Variants in STK3 observed in about 807,000 individuals in gnomAD.
The protein encoded by STK3 is serine/threonine kinase 3, also known as serine/threonine-protein kinase 3.
A neutral mutation model predicts 58.0 loss-of-function variants in STK3; 41 were observed. That is an observed-to-expected ratio of 0.71 (90% confidence interval 0.55 to 0.92). STK3 has a LOEUF of 0.92. STK3 is among the 40% of genes least tolerant of loss of function. The pLI is 0.00. For synonymous variants in STK3, 170 were observed against 191.0 expected (o/e 0.89, Z 0.91); for missense variants, 479 against 602.7 (o/e 0.79, Z 2.15).
downstream of STK3, among the ~76,000 whole-genome samples, chr8:98,397,573 A>G (rs529590396): frequency 5.3e-5 from 8 of 152,162 alleles, no homozygotes; most frequent in African/African-American, 1.9e-4. Flanking sequence ...AAAAGAAAAG[A>G]ACTGCTTCAG....
At chr8:98,424,423 G>C (rs1818206185) in intron 3 of STK3, among the ~76,000 whole-genome samples, 1 of 152,184 alleles carries the variant, frequency 6.6e-6, no homozygotes, top group Non-Finnish European at 1.5e-5. Flanking sequence ...GGGAGGGAGA[G>C]AGGGAGGAAG....
intron 6 of STK3, among the ~76,000 whole-genome samples, chr8:98,675,006 C>CAG (rs35540361): frequency 0.34 from 51,002 of 151,902 alleles, 8,853 homozygotes; most frequent in Admixed American, 0.44. Context: ...CATATGTTGA[C>CAG]CAGTCAAAGA....
At chr8:98,360,075 A>T in the STK3 span, among the ~76,000 whole-genome samples, 1 of 152,146 alleles carries the variant, frequency 6.6e-6, no homozygotes, top group South Asian at 2.1e-4. Context: ...ACTGGGACAT[A>T]TGGTCTCTTC....
In STK3 at chr8:98,825,479, CG is replaced by C. The variant is rs964048016; in HGVS notation, c.26+35del. 2.1e-6 allele frequency: 3 copies of C among 1,445,582 alleles called. No individual in the cohort carries two copies. The Admixed American group carries it at 7.6e-5, about 37-fold the overall frequency. 89.5% of individuals were successfully genotyped at this position (1,445,582 alleles called of 1,614,324 possible). On this transcript the variant is annotated intron_variant, in intron 1 of 10. Coordinates refer to ENST00000419617, the MANE Select transcript of STK3 (RefSeq NM_006281.4). ...ACCCCCGCCCCGCGGCCGCCGGCGC[CG>C]CTTCCCTCCTTCTTCCCGCTCCCCG...
At chr8:98,442,320 G>A (rs149665823) in intron 1 of STK3, among the ~76,000 whole-genome samples, 1 of 152,188 alleles carries the variant, frequency 6.6e-6, no homozygotes, top group African/African-American at 2.4e-5. Flanking sequence ...CTCAGCACTC[G>A]GAACTTACAG....
chr8:98,607,076 T>C (rs1376615436), intron 6 of STK3, among the ~76,000 whole-genome samples: 4 of 152,230 alleles, frequency 2.6e-5, no homozygotes, highest in Non-Finnish European at 5.9e-5. Context: ...ACTCAATTTG[T>C]GTTGAAATAG....
chr8:98,418,327 A>T (rs1818135347), intron 3 of STK3, among the ~76,000 whole-genome samples: 1 of 152,276 alleles, frequency 6.6e-6, no homozygotes, highest in South Asian at 2.1e-4. Context: ...GCTATCCAGG[A>T]TTTGAGTCCA....
chr8:98,631,799 G>A (rs1587093815), intron 6 of STK3, among the ~76,000 whole-genome samples: 3 of 152,156 alleles, frequency 2.0e-5, no homozygotes, highest in Admixed American at 6.5e-5. Flanking sequence ...AAAGTAGCTG[G>A]GACTACAGGC....
intron 4 of STK3, among the ~76,000 whole-genome samples, chr8:98,711,368 G>A (rs1485016117): frequency 6.6e-6 from 1 of 152,066 alleles, no homozygotes; most frequent in Admixed American, 6.6e-5. Flanking sequence ...CCCAGGCAAA[G>A]AAGTTAAAAA....
intron 1 of STK3, among the ~76,000 whole-genome samples, chr8:98,923,611 C>T (rs1395363122): frequency 2.6e-5 from 4 of 152,154 alleles, no homozygotes; most frequent in Admixed American, 6.5e-5. Flanking sequence ...CACAGAACGA[C>T]GGAGTCTCCC....
chr8:98,613,711 T>A (rs1817393225), intron 6 of STK3, among the ~76,000 whole-genome samples: 1 of 151,968 alleles, frequency 6.6e-6, no homozygotes, highest in African/African-American at 2.4e-5. Flanking sequence ...ATAATTACAT[T>A]AAATGTAAAT....
At chr8:98,654,950 C>G (rs552485679) in intron 6 of STK3, among the ~76,000 whole-genome samples, 1 of 152,042 alleles carries the variant, frequency 6.6e-6, no homozygotes, top group Non-Finnish European at 1.5e-5. Context: ...CATCAAGCTA[C>G]CAGTGACTTT....
intron 4 of STK3, among the ~76,000 whole-genome samples, chr8:98,737,373 A>G (rs1178540469): frequency 1.3e-5 from 2 of 152,018 alleles, no homozygotes; most frequent in African/African-American, 4.8e-5. Context: ...TTCAAGGACA[A>G]GATAAAACTC....
intron 4 of STK3, among the ~76,000 whole-genome samples, chr8:98,719,500 A>G (rs1327939946): frequency 6.6e-6 from 1 of 152,224 alleles, no homozygotes; most frequent in Non-Finnish European, 1.5e-5. Context: ...TTTTAATGCT[A>G]TAAAGCCACT....
chr8:98,851,082 C>T (rs892720147), intron 3 of STK3, among the ~76,000 whole-genome samples: 1 of 152,128 alleles, frequency 6.6e-6, no homozygotes, highest in East Asian at 1.9e-4. Context: ...AACCTCCTCA[C>T]CTTTAAGCAT....
At chr8:98,431,766 G>A (rs1429121006) in intron 3 of STK3, 2 of 167,090 alleles carry the variant, frequency 1.2e-5, no homozygotes, top group Admixed American at 1.3e-4. Flanking sequence ...TTTCTTTTTG[G>A]TAATGACTTG....
chr8:98,659,645 T>C (rs1478861555), intron 6 of STK3, among the ~76,000 whole-genome samples: 1 of 152,002 alleles, frequency 6.6e-6, no homozygotes, highest in Non-Finnish European at 1.5e-5. Context: ...AGAAAAGAAT[T>C]TATTAGCTAC....
chr8:98,429,407 A>C, intron 3 of STK3: 3 of 1,603,832 alleles, frequency 1.9e-6, no homozygotes, highest in Non-Finnish European at 2.6e-6. Flanking sequence ...ATGATTCCCT[A>C]CGTTAGCCGG....
chr8:98,577,114 T>A (rs1039926859), intron 8 of STK3, among the ~76,000 whole-genome samples: 3 of 152,238 alleles, frequency 2.0e-5, no homozygotes, highest in Non-Finnish European at 4.4e-5. Context: ...AGTTGATTTG[T>A]CAGTTTTTTC....
Sources: gnomAD v4.1 joint callset for allele counts (sites outside exome capture counted in the v4.1 genomes callset) on GRCh38, gnomAD v4.1.1 for gene constraint, MANE v1.5 for transcripts, NCBI Gene and HGNC (gene_info 2026-07-23, HGNC 2026-07-21) for gene names.